Variants in SNX10 observed in about 807,000 individuals in gnomAD.
The protein encoded by SNX10 is sorting nexin 10.
Under a neutral mutation model 28.5 loss-of-function variants are expected in SNX10, and 25 were observed. The ratio of observed to expected loss-of-function variants is 0.88; its 90% CI spans 0.64 to 1.22. The LOEUF (loss-of-function observed/expected upper bound fraction) is 1.22. SNX10 is among the 50% of genes most tolerant of loss of function. The probability of loss-of-function intolerance (pLI) is 0.00; values close to 1 mark genes in which losing one functional copy is unlikely to be tolerated. For missense variants in SNX10, 223 were observed against 242.6 expected, an observed-to-expected ratio of 0.92 and a Z score of 0.54; for synonymous variants, 62 against 81.4, an observed-to-expected ratio of 0.76 and a Z score of 1.28.
rs562888375 is a variant in SNX10, at chr7:26,314,109, G to T, written c.-24+22023G>T. ...TTACAGGTGTGAGCCGCCACGCCTGGCCCAAGAACCTGAATTTCTGACAGG... is the reference window on the plus strand; with the variant it reads ...TTACAGGTGTGAGCCGCCACGCCTGTCCCAAGAACCTGAATTTCTGACAGG... On this transcript the variant is annotated intron_variant, in intron 1 of 6. Coordinates refer to ENST00000338523, the MANE Select transcript of SNX10 (RefSeq NM_013322.3). 8.5e-5 allele frequency among the ~76,000 whole-genome samples: 13 copies of T among 152,258 alleles called. 1 individual carries two copies. In the South Asian group the frequency reaches 2.7e-3, roughly 32 times the overall value.
At chr7:26,297,956 C>T (rs1786176473) in intron 1 of SNX10, among the ~76,000 whole-genome samples, 1 of 151,746 alleles carries the variant, frequency 6.6e-6, no homozygotes, top group African/African-American at 2.4e-5. Flanking sequence ...CAGGGCTGGG[C>T]GCGGTGGCTC....
intron 1 of SNX10, among the ~76,000 whole-genome samples, chr7:26,294,503 G>C (rs1361786435): frequency 6.6e-6 from 1 of 152,074 alleles, no homozygotes; most frequent in Non-Finnish European, 1.5e-5. Flanking sequence ...TGACATTATC[G>C]AGCACTTAAT....
intron 2 of SNX10, among the ~76,000 whole-genome samples, chr7:26,354,694 T>C: frequency 1.1e-5 from 1 of 92,602 alleles, no homozygotes; most frequent in Non-Finnish European, 2.6e-5. Context: ...AGTTTTGTTT[T>C]TTTTTAAAAT....
At chr7:26,299,192 A>G (rs930994897) in intron 1 of SNX10, among the ~76,000 whole-genome samples, 6 of 151,784 alleles carry the variant, frequency 4.0e-5, no homozygotes, top group African/African-American at 1.2e-4. Flanking sequence ...ATTATGGAGG[A>G]TTTCAGCAAT....
In SNX10 at chr7:26,364,201, A is replaced by G; in HGVS notation, c.112-334A>G. The G allele has an allele frequency of 2.2e-6, 1 of 447,038 alleles. No homozygotes were observed. Among genetic ancestry groups the G allele is most frequent in the Non-Finnish European group, 3.0e-6 (1 of 333,730 alleles). The allele number at this position is 447,038 out of a possible 1,614,324, so 27.7% of individuals were successfully genotyped here. A position where few individuals can be genotyped will look rare whatever the true frequency, so the allele number is the denominator to read the frequency against. Reference sequence around the variant, plus strand: ...ATGCAACGGATGAACCTGAGCTCCTACCTGTCATTTATATGTTAGGATTTA... The same window carrying G: ...ATGCAACGGATGAACCTGAGCTCCTGCCTGTCATTTATATGTTAGGATTTA... On this transcript the variant is annotated intron_variant, in intron 3 of 6. Coordinates refer to ENST00000338523, the MANE Select transcript of SNX10 (RefSeq NM_013322.3). The surrounding 1 kb of genome is among the most constrained non-coding windows in gnomAD (Gnocchi z 4.9).
At chr7:26,302,901 A>G (rs1322142202) in intron 1 of SNX10, among the ~76,000 whole-genome samples, 1 of 152,138 alleles carries the variant, frequency 6.6e-6, no homozygotes, top group East Asian at 1.9e-4. Context: ...GTGAGCCGAA[A>G]TCACACTGCA....
At chr7:26,305,069 A>T (rs1786532281) in intron 1 of SNX10, among the ~76,000 whole-genome samples, 2 of 152,116 alleles carry the variant, frequency 1.3e-5, no homozygotes, top group Non-Finnish European at 1.5e-5. Flanking sequence ...CCCTTCCCTC[A>T]TGGATGGAGA....
Position 26,364,697 on chromosome 7 carries a change from T to A in SNX10, c.212+62T>A. 2 of 1,181,412 alleles carry A rather than the reference T, an allele frequency of 1.7e-6. No individual in the cohort carries two copies. Among genetic ancestry groups the A allele is most frequent in the South Asian group, 2.7e-5 (2 of 73,846 alleles). 73.2% of individuals were successfully genotyped at this position (1,181,412 alleles called of 1,614,324 possible). A position where few individuals can be genotyped will look rare whatever the true frequency, so the allele number is the denominator to read the frequency against. ...TTATATTCAGTATTTAAAATTGACG[T>A]TCATTAAGATATATAAGATATGAAG... On this transcript the variant is annotated intron_variant, in intron 4 of 6. Coordinates refer to ENST00000338523, the MANE Select transcript of SNX10 (RefSeq NM_013322.3). The surrounding 1 kb of genome is among the most constrained non-coding windows in gnomAD (Gnocchi z 4.9).
intron 2 of SNX10, among the ~76,000 whole-genome samples, chr7:26,354,858 T>G (rs899214780): frequency 7.2e-5 from 11 of 152,244 alleles, no homozygotes; most frequent in African/African-American, 2.7e-4. Flanking sequence ...TTATGTGGAT[T>G]GCCCTTTTGA....
intron 1 of SNX10, among the ~76,000 whole-genome samples, chr7:26,306,751 T>C (rs1230679617): frequency 6.6e-6 from 1 of 152,168 alleles, no homozygotes; most frequent in Non-Finnish European, 1.5e-5. Context: ...GGAAGGCACC[T>C]CAGCATTTTT....
intron 2 of SNX10, among the ~76,000 whole-genome samples, chr7:26,355,892 C>T (rs982301793): frequency 1.3e-5 from 2 of 152,114 alleles, no homozygotes; most frequent in African/African-American, 2.4e-5. Flanking sequence ...GCTTTAGAAG[C>T]CTCATTTAAA....
Position 26,291,862 on chromosome 7 carries a change from A to G in SNX10, c.-248A>G, listed in dbSNP as rs1381572880. ...TGGGCTGCGCGGAGGCGGCGGAAGC[A>G]CTAGGCGCGGCGCCCACAGGCGGAC... On this transcript the variant is annotated 5_prime_UTR_variant, in exon 1 of 7. Coordinates refer to ENST00000338523, the MANE Select transcript of SNX10 (RefSeq NM_013322.3). The G allele has an allele frequency of 4.0e-5, 6 of 149,460 alleles. No individual in the cohort carries two copies. The highest frequency in any genetic ancestry group is 1.5e-4 in the African/African-American group (6 of 41,152). The allele number at this position is 149,460 out of a possible 1,614,324, so 9.3% of individuals were successfully genotyped here.
intron 1 of SNX10, among the ~76,000 whole-genome samples, chr7:26,327,726 C>CTTTTTTTTTTTTTTTTTT (rs70943293): frequency 3.4e-5 from 3 of 89,120 alleles, no homozygotes; most frequent in East Asian, 3.0e-4. Context: ...GCATTCTTTT[C>CTTTTTTTTTTTTTTTTTT]TTTTTTTTTT....
In SNX10 at chr7:26,346,430, T is replaced by A; in HGVS notation, c.-13T>A. 1 of 1,606,436 alleles carries A rather than the reference T, an allele frequency of 6.2e-7. No homozygotes were observed. The highest frequency in any genetic ancestry group is 8.5e-7 in the Non-Finnish European group (1 of 1,172,950). On this transcript the variant is annotated 5_prime_UTR_variant, in exon 2 of 7. Coordinates refer to ENST00000338523, the MANE Select transcript of SNX10 (RefSeq NM_013322.3). Reference sequence around the variant, plus strand: ...TATCTTATTTTTCAGATTGATCGTGTCCTGTGCTGAAGATGTTTCCGGAAC... The same window carrying A: ...TATCTTATTTTTCAGATTGATCGTGACCTGTGCTGAAGATGTTTCCGGAAC...
At chr7:26,304,403 A>C (rs1786499788) in intron 1 of SNX10, among the ~76,000 whole-genome samples, 1 of 152,154 alleles carries the variant, frequency 6.6e-6, no homozygotes, top group South Asian at 2.1e-4. Flanking sequence ...CTCTGGTTCC[A>C]CTTTGTTCCC....
chr7:26,349,534 C>T (rs1185628496), intron 2 of SNX10, among the ~76,000 whole-genome samples: 3 of 152,102 alleles, frequency 2.0e-5, no homozygotes, highest in Admixed American at 1.3e-4. Context: ...GATGGATCTT[C>T]TCCATAAAAA....
chr7:26,317,829 A>AT (rs1787151239), intron 1 of SNX10, among the ~76,000 whole-genome samples: 1 of 151,816 alleles, frequency 6.6e-6, no homozygotes, highest in African/African-American at 2.4e-5. Flanking sequence ...CGCCCAGCTA[A>AT]TTTTTTTATT....
At chr7:26,363,113 C>T (rs184523266) in intron 3 of SNX10, among the ~76,000 whole-genome samples, 1 of 152,190 alleles carries the variant, frequency 6.6e-6, no homozygotes, top group African/African-American at 2.4e-5. Context: ...AAACCTAGTC[C>T]CCAAGGAGCA....
intron 1 of SNX10, among the ~76,000 whole-genome samples, chr7:26,334,875 C>T (rs1185835904): frequency 6.6e-6 from 1 of 152,188 alleles, no homozygotes. Flanking sequence ...TAATCTGGGA[C>T]TGAGGGAGAC....
Sources: allele counts gnomAD v4.1 joint callset (sites outside exome capture counted in the v4.1 genomes callset), GRCh38; gene constraint gnomAD v4.1.1; non-coding constraint Gnocchi (gnomAD v3.1); transcripts MANE v1.5; gene names NCBI Gene and HGNC (gene_info 2026-07-23, HGNC 2026-07-21).